The following LAMTOR5 variants were observed in gnomAD, a reference collection of about 807,000 sequenced individuals.
The protein encoded by LAMTOR5 is ragulator complex protein LAMTOR5.
Under a neutral mutation model 12.1 loss-of-function variants are expected in LAMTOR5, and 8 were observed. The observed-to-expected ratio is 0.66, with a 90% CI of 0.39 to 1.19. LAMTOR5 has a LOEUF of 1.19. LAMTOR5 is among the 50% of genes most tolerant of loss of function. The pLI is 0.01. For synonymous variants in LAMTOR5, 37 were observed against 41.9 expected (o/e 0.88, Z 0.45); for missense variants, 110 against 112.8 (o/e 0.97, Z 0.11).
intron 2 of LAMTOR5, among the ~76,000 whole-genome samples, chr1:110,404,775 G>A (rs1349323162): frequency 1.3e-5 from 2 of 152,142 alleles, no homozygotes; most frequent in African/African-American, 4.8e-5. Context: ...TAGGCCGGGT[G>A]TAGTGGCTCA....
chr1:110,405,170 T>C (rs1455871121), intron 2 of LAMTOR5, among the ~76,000 whole-genome samples: 2 of 126,038 alleles, frequency 1.6e-5, no homozygotes, highest in Non-Finnish European at 3.7e-5. Context: ...TTTCTTTTTT[T>C]ATTTTTTGAG....
intron 2 of LAMTOR5, among the ~76,000 whole-genome samples, 198 bp downstream of exon 2, chr1:110,406,120 A>T (rs1663323452): frequency 6.6e-6 from 1 of 152,248 alleles, no homozygotes; most frequent in Non-Finnish European, 1.5e-5. Flanking sequence ...GACTGCAAGG[A>T]ACATCTTCCT....
At chr1:110,407,470 G>A in intron 1 of LAMTOR5, 116 bp downstream of exon 1, 6 of 1,300,796 alleles carry the variant, frequency 4.6e-6, no homozygotes, top group Non-Finnish European at 6.3e-6. Flanking sequence ...CGTGTCCCGG[G>A]GGTCGCGCGA....
chr1:110,407,898 C>G (rs1394194725), upstream of LAMTOR5: 1 of 1,599,872 alleles, frequency 6.3e-7, no homozygotes. Flanking sequence ...TTATTCCCCT[C>G]TCGGGAGAGG....
In LAMTOR5 at chr1:110,403,960, G is replaced by T; in HGVS notation, c.174C>A (p.Asp58Glu). 1 of 1,614,226 alleles carries T rather than the reference G, an allele frequency of 6.2e-7. No individual in the cohort carries two copies. The highest frequency in any genetic ancestry group is 1.1e-5 in the South Asian group (1 of 91,088). The change falls in exon 3 of 4, where the codon GAC (aspartate) becomes GAA (glutamate). Residue 58 changes from aspartate (D) to glutamate (E), a missense_variant. Coordinates refer to ENST00000602318, the MANE Select transcript of LAMTOR5 (RefSeq NM_001382293.1). ...GACACACCACAGGAATATCAGTGGGGTCAGAGGTTAGCTTAGCTGCTTGCT... is the reference window on the plus strand; with the variant it reads ...GACACACCACAGGAATATCAGTGGGTTCAGAGGTTAGCTTAGCTGCTTGCT... ...LAQQAAKLTSDPTDIPVVCLE... is the reference protein window; with the variant it reads ...LAQQAAKLTSEPTDIPVVCLE...
Position 110,401,569 on chromosome 1 carries a change from T to C in LAMTOR5, c.230A>G (p.Gln77Arg), listed in dbSNP as rs755730251. Reference protein sequence around the residue: ...LESDNGNIMIQKHDGITVAVH... With the variant: ...LESDNGNIMIRKHDGITVAVH... ...TGCCACCGTGATGCCATCGTGTTTC[T>C]GGATCATAATGTTCCTGAAATGCAG... Residue 77 changes from glutamine to arginine, a missense_variant, in exon 4 of 4, where the codon CAG (glutamine) becomes CGG (arginine). By Grantham distance (43) the Gln-to-Arg change is conservative. Transcript: ENST00000602318. 9.3e-6 allele frequency: 15 copies of C among 1,606,014 alleles called. No homozygotes were observed. The highest frequency in any genetic ancestry group is 1.6e-4 in the Middle Eastern group (1 of 6,062).
intron 3 of LAMTOR5, among the ~76,000 whole-genome samples, chr1:110,401,815 C>A (rs1489808154): frequency 6.6e-6 from 1 of 152,078 alleles, no homozygotes; most frequent in Non-Finnish European, 1.5e-5. Flanking sequence ...TTAATATTTC[C>A]CTGGTTCTTT....
intron 3 of LAMTOR5, among the ~76,000 whole-genome samples, chr1:110,401,976 G>C (rs1483307788): frequency 6.6e-6 from 1 of 152,164 alleles, no homozygotes; most frequent in Non-Finnish European, 1.5e-5. Flanking sequence ...ATATGATACA[G>C]TCATGTGCTG....
At chr1:110,407,750 G>A (rs762889014), upstream of LAMTOR5, 91 of 1,614,030 alleles carry the variant, frequency 5.6e-5, no homozygotes, top group Non-Finnish European at 7.5e-5. Flanking sequence ...AATTGATCAC[G>A]GTGCAACGTC....
chr1:110,407,798 GCA>G (rs1418425617), upstream of LAMTOR5: 5 of 1,613,976 alleles, frequency 3.1e-6, no homozygotes, highest in Non-Finnish European at 4.2e-6. Flanking sequence ...CGCTTCCGTC[GCA>G]CAGAGCCTGA....
chr1:110,407,863 C>T (rs144661150), upstream of LAMTOR5: 248 of 1,612,686 alleles, frequency 1.5e-4, no homozygotes, highest in African/African-American at 2.4e-3. Flanking sequence ...GCACCTGGCT[C>T]CATGGCGGAA....
chr1:110,403,834 A>T (rs1663273166), intron 3 of LAMTOR5, 85 bp downstream of exon 3: 1 of 1,539,878 alleles, frequency 6.5e-7, no homozygotes, highest in Non-Finnish European at 8.7e-7. Flanking sequence ...ATAAGGAATC[A>T]CTGATGAACA....
chr1:110,407,356 C>T, intron 1 of LAMTOR5: 2 of 617,958 alleles, frequency 3.2e-6, no homozygotes, highest in South Asian at 2.1e-5. Flanking sequence ...TGGCCTGGGC[C>T]CGGGAGACTC....
At chr1:110,405,598 T>A (rs1478402414) in intron 2 of LAMTOR5, among the ~76,000 whole-genome samples, 1 of 152,188 alleles carries the variant, frequency 6.6e-6, no homozygotes, top group African/African-American at 2.4e-5. Flanking sequence ...CCCAAAGTGC[T>A]GGGATTACAG....
At position 110,401,562 on chromosome 1, in the gene LAMTOR5, G is replaced by GT. The variant is rs1663229173; in HGVS notation, c.236dup (p.His79GlnfsTer33). 6.2e-7 allele frequency: 1 copy of GT among 1,606,518 alleles called. No homozygotes were observed. The highest frequency in any genetic ancestry group is 1.7e-5 in the Admixed American group (1 of 59,918). Reference sequence around the variant, plus strand: ...TGTGCACTGCCACCGTGATGCCATCGTGTTTCTGGATCATAATGTTCCTGA... The same window carrying GT: ...TGTGCACTGCCACCGTGATGCCATCGTTGTTTCTGGATCATAATGTTCCTGA... On this transcript the variant is annotated frameshift_variant, in exon 4 of 4. Coordinates refer to ENST00000602318, the MANE Select transcript of LAMTOR5 (RefSeq NM_001382293.1). LOFTEE classifies it high-confidence loss of function.
intron 3 of LAMTOR5, 113 bp from the exon 4 acceptor site, chr1:110,401,696 A>G: frequency 6.0e-6 from 7 of 1,162,534 alleles, no homozygotes; most frequent in Non-Finnish European, 8.5e-6. Context: ...AATTGTTTCT[A>G]CGTATAAAAG....
chr1:110,407,549 G>T, intron 1 of LAMTOR5, 37 bp downstream of exon 1: 2 of 1,596,102 alleles, frequency 1.3e-6, no homozygotes, highest in East Asian at 2.3e-5. Context: ...CCTCCGCCGC[G>T]ACCTCAGGAC....
rs749966907 is a variant in LAMTOR5, at chr1:110,404,031, C to T, written c.103G>A (p.Gly35Arg). The change falls in exon 3 of 4, where the codon GGG becomes AGG. Residue 35 changes from glycine (G) to arginine (R), a missense_variant. Coordinates refer to ENST00000602318, the MANE Select transcript of LAMTOR5 (RefSeq NM_001382293.1). ...CCAGCATGCTCATCTGACAGGGTCCCGCGGCCTGGAAAATAGAGATGATAT... is the reference window on the plus strand; with the variant it reads ...CCAGCATGCTCATCTGACAGGGTCCTGCGGCCTGGAAAATAGAGATGATAT... The part of the protein sequence containing the change: ...DSQGLNLGCR[G>R]TLSDEHAGVI... 1.9e-5 allele frequency: 31 copies of T among 1,613,562 alleles called. No homozygotes were observed. The South Asian group carries it at 2.1e-4, about 11-fold the overall frequency.
At chr1:110,404,182 C>G in intron 2 of LAMTOR5, 146 bp from the exon 3 acceptor site, 1 of 1,220,602 alleles carries the variant, frequency 8.2e-7, no homozygotes, top group Non-Finnish European at 1.1e-6. Flanking sequence ...AACTAAATCT[C>G]GGGTACAAAA....
Sources: gnomAD v4.1 joint callset for allele counts (sites outside exome capture counted in the v4.1 genomes callset) on GRCh38, gnomAD v4.1.1 for gene constraint, MANE v1.5 for transcripts, NCBI Gene and HGNC (gene_info 2026-07-23, HGNC 2026-07-21) for gene names.